DNAH3: variants seen among roughly 807,000 people sequenced by gnomAD.
The protein encoded by DNAH3 is axonemal beta dynein heavy chain 3.
In DNAH3, 332 loss-of-function variants were observed where a neutral mutation model predicts 432.5. The ratio of observed to expected loss-of-function variants is 0.77; its 90% CI spans 0.70 to 0.84. The LOEUF (loss-of-function observed/expected upper bound fraction) is 0.84. Ranked by LOEUF, DNAH3 falls within the 40% of genes least tolerant of loss-of-function variation. DNAH3 has a pLI of 0.00. For synonymous variants in DNAH3, 1,956 were observed against 1,900.2 expected (o/e 1.03, Z -0.76); for missense variants, 4,861 against 5,114.0 (o/e 0.95, Z 1.51).
intron 51 of DNAH3, among the ~76,000 whole-genome samples, chr16:20,971,277 G>A (rs1391603194): frequency 6.6e-6 from 1 of 151,922 alleles, no homozygotes; most frequent in Non-Finnish European, 1.5e-5. Context: ...TTTCTTAAAG[G>A]CAAATTAGGA....
At chr16:21,153,682 C>T (rs1434074113) in intron 1 of DNAH3, among the ~76,000 whole-genome samples, 1 of 152,120 alleles carries the variant, frequency 6.6e-6, no homozygotes, top group East Asian at 1.9e-4. Context: ...ACCAGAAACC[C>T]ACCAGAAGGA....
rs200215560 is a variant in DNAH3 at position 21,125,335 on chromosome 16, C to T, written c.1244G>A (p.Arg415Gln). The T allele has an allele frequency of 1.4e-4, 230 of 1,610,948 alleles. No homozygotes were observed. Among genetic ancestry groups the T allele is most frequent in the Non-Finnish European group, 1.7e-4 (204 of 1,178,296 alleles). ...AGCAAAATGAATCCAGTGCTCCTTC[C>T]GTGAGGTAAAAAGCTGGGCGCAGGT... is the stretch of plus-strand genomic sequence containing the variant. Residue 415 changes from arginine (R) to glutamine (Q), a missense_variant, in exon 9 of 62, where the codon CGG (arginine) becomes CAG (glutamine). Coordinates refer to ENST00000261383, the Ensembl canonical transcript of DNAH3.
At chr16:21,013,936 A>G (rs1202351769) in intron 41 of DNAH3, among the ~76,000 whole-genome samples, 1 of 152,228 alleles carries the variant, frequency 6.6e-6, no homozygotes, top group East Asian at 1.9e-4. Context: ...AATTTAATCA[A>G]CAATTAATAA....
intron 7 of DNAH3, among the ~76,000 whole-genome samples, chr16:21,128,691 T>TAA (rs11074482): frequency 0.038 from 5,241 of 138,542 alleles, 158 homozygotes; most frequent in East Asian, 0.17. Flanking sequence ...GAGACTCGTC[T>TAA]AAAAAAAAAA....
chr16:21,033,870 C>G (rs2089021221), intron 36 of DNAH3, 104 bp downstream of exon 36: 1 of 709,378 alleles, frequency 1.4e-6, no homozygotes, highest in Non-Finnish European at 2.4e-6. Flanking sequence ...TCTGACGTCA[C>G]GATCGAGGCC....
At chr16:21,058,588 A>C (rs183614974) in intron 26 of DNAH3, among the ~76,000 whole-genome samples, 3 of 151,866 alleles carry the variant, frequency 2.0e-5, no homozygotes, top group Admixed American at 2.0e-4. Flanking sequence ...CAAGCTACAG[A>C]TCAGGAGCGG....
intron 41 of DNAH3, 55 bp from the exon 42 acceptor site, chr16:21,003,262 C>A: frequency 1.6e-6 from 2 of 1,238,758 alleles, no homozygotes; most frequent in East Asian, 4.7e-5. Flanking sequence ...TACTTGCCTC[C>A]CATATTTGAG....
intron 3 of DNAH3, 108 bp from the exon 5 acceptor site, chr16:21,141,480 C>A (rs180768146): frequency 1.3e-6 from 1 of 767,056 alleles, no homozygotes; most frequent in African/African-American, 1.8e-5. Context: ...CTAAGGGGAG[C>A]GGACATGGTA....
At chr16:21,060,828 CTTT>C (rs34315223) in intron 25 of DNAH3, among the ~76,000 whole-genome samples, 9 of 118,242 alleles carry the variant, frequency 7.6e-5, no homozygotes, top group South Asian at 2.9e-4. Context: ...CTGGTCTCTT[CTTT>C]TTTTTTTTTT....
At chr16:21,030,976 C>T (rs757259558) in intron 37 of DNAH3, 69 bp downstream of exon 37, 6 of 1,520,170 alleles carry the variant, frequency 3.9e-6, no homozygotes, top group Non-Finnish European at 5.4e-6. Flanking sequence ...TAGTTTTGAT[C>T]AATCACTTAC....
At chr16:21,012,764 T>C (rs1674956748) in intron 41 of DNAH3, among the ~76,000 whole-genome samples, 1 of 151,554 alleles carries the variant, frequency 6.6e-6, no homozygotes, top group African/African-American at 2.4e-5. Context: ...CACTTTTTAA[T>C]TTTTTTTTAG....
At chr16:21,032,304 G>A (rs1225921521) in intron 36 of DNAH3, among the ~76,000 whole-genome samples, 2 of 152,200 alleles carry the variant, frequency 1.3e-5, no homozygotes, top group Non-Finnish European at 2.9e-5. Context: ...TTCTGTCTCT[G>A]AAGGGCTAGT....
At chr16:21,075,700 G>A (rs2090949968) in intron 20 of DNAH3, 139 bp from the exon 21 acceptor site, 3 of 687,900 alleles carry the variant, frequency 4.4e-6, no homozygotes, top group Non-Finnish European at 7.7e-6. Context: ...ATTGCTTGAG[G>A]TCGGGAGTTC....
At chr16:21,096,703 C>G (rs760565476) in intron 18 of DNAH3, among the ~76,000 whole-genome samples, 33 of 151,860 alleles carry the variant, frequency 2.2e-4, no homozygotes, top group Non-Finnish European at 4.4e-4. Context: ...TGTCACTTCT[C>G]TTTTTCAGTG....
intron 41 of DNAH3, among the ~76,000 whole-genome samples, chr16:21,012,618 T>C (rs575047617): frequency 3.3e-5 from 5 of 152,294 alleles, no homozygotes; most frequent in Middle Eastern, 3.4e-3. Context: ...AGGAATATAG[T>C]GAAACTGAAT....
At chr16:20,933,973 C>A (rs1186042249) in intron 61 of DNAH3, among the ~76,000 whole-genome samples, 2 of 152,150 alleles carry the variant, frequency 1.3e-5, no homozygotes, top group Admixed American at 1.3e-4. Flanking sequence ...ATTTAACAAC[C>A]AGCTCACAAA....
At chr16:21,120,619 G>A (rs748820259) in intron 11 of DNAH3, 12 of 760,414 alleles carry the variant, frequency 1.6e-5, no homozygotes, top group African/African-American at 3.4e-5. Context: ...CTCAGTCTAC[G>A]TTGTTTTTCC....
intron 37 of DNAH3, among the ~76,000 whole-genome samples, chr16:21,028,089 C>T (rs1473256317): frequency 1.3e-5 from 2 of 152,138 alleles, no homozygotes; most frequent in African/African-American, 2.4e-5. Context: ...GGGGCTCAAG[C>T]GATCCTCCCA....
At chr16:21,036,590 T>C (rs1479499379) in intron 35 of DNAH3, 124 bp downstream of exon 35, 2 of 908,010 alleles carry the variant, frequency 2.2e-6, no homozygotes, top group East Asian at 4.9e-5. Context: ...AATGTTTTAC[T>C]TGCATTTCTA....
Sources: allele counts gnomAD v4.1 joint callset (sites outside exome capture counted in the v4.1 genomes callset), GRCh38; gene constraint gnomAD v4.1.1; transcripts MANE v1.5; gene names NCBI Gene and HGNC (gene_info 2026-07-23, HGNC 2026-07-21).